Variants in ADCY1 observed in about 807,000 individuals in gnomAD.
The protein encoded by ADCY1 is adenylate cyclase type 1.
In ADCY1, 28 loss-of-function variants were observed where a neutral mutation model predicts 105.4. The observed-to-expected ratio is 0.27, with a 90% CI of 0.20 to 0.36. The LOEUF (loss-of-function observed/expected upper bound fraction) is 0.36. Among genes scored for constraint, ADCY1 ranks in the 10% least tolerant of loss-of-function variants. The probability of loss-of-function intolerance (pLI) is 1.00; values close to 1 mark genes in which losing one functional copy is unlikely to be tolerated. For missense variants in ADCY1, 977 were observed against 1,434.2 expected, an observed-to-expected ratio of 0.68 and a Z score of 5.15; for synonymous variants, 655 against 623.8, an observed-to-expected ratio of 1.05 and a Z score of -0.75.
chr7:45,674,831 C>A (rs1554328721), intron 8 of ADCY1, among the ~76,000 whole-genome samples: 1 of 152,168 alleles, frequency 6.6e-6, no homozygotes, highest in Non-Finnish European at 1.5e-5. Context: ...GCTCTGATAT[C>A]TACTTTTTCT....
At chr7:45,654,935 TTGCCC>T (rs903599822) in intron 5 of ADCY1, among the ~76,000 whole-genome samples, 4 of 151,950 alleles carry the variant, frequency 2.6e-5, no homozygotes, top group African/African-American at 9.7e-5. Context: ...CTGAAACCAT[TTGCCC>T]TGCCCTTCCC....
Position 45,664,372 on chromosome 7 carries a change from G to A in ADCY1, c.1605+2158G>A, listed in dbSNP as rs1042009. The A allele has an allele frequency of 0.65, 994,523 of 1,535,732 alleles. 332,157 individuals are homozygous for A. The highest frequency in any genetic ancestry group is 0.72 in the South Asian group (60,132 of 84,028). On this transcript the variant is annotated intron_variant, in intron 8 of 19. Coordinates refer to ENST00000297323, the MANE Select transcript of ADCY1 (RefSeq NM_021116.4). ...CCCTGCAACGGGGACGACTGTGCACGTAGCTTCAGGTCCTGCCCAACAGCC... is the reference window on the plus strand; with the variant it reads ...CCCTGCAACGGGGACGACTGTGCACATAGCTTCAGGTCCTGCCCAACAGCC...
At chr7:45,702,440 G>C (rs1785016095) in intron 14 of ADCY1, among the ~76,000 whole-genome samples, 1 of 152,238 alleles carries the variant, frequency 6.6e-6, no homozygotes, top group Non-Finnish European at 1.5e-5. Context: ...GCCAGGCCAT[G>C]GGCCGCTCCG....
At chr7:45,585,310 G>C (rs1792685331) in intron 1 of ADCY1, among the ~76,000 whole-genome samples, 1 of 152,150 alleles carries the variant, frequency 6.6e-6, no homozygotes, top group Non-Finnish European at 1.5e-5. Flanking sequence ...TAAAGATTTT[G>C]AAATATCTCT....
In ADCY1 at chr7:45,672,708, A is replaced by G. The variant is rs573869087; in HGVS notation, c.1606-5161A>G. Among the ~76,000 whole-genome samples the G allele has an allele frequency of 5.0e-4, 76 of 151,954 alleles. 1 individual carries two copies. The highest frequency in any genetic ancestry group is 1.8e-3 in the African/African-American group (75 of 41,358). On this transcript the variant is annotated intron_variant, in intron 8 of 19. Transcript: ENST00000297323. The stretch of plus-strand genomic sequence containing the variant: ...ATTTGTTCTAGGATTTTTTTAATAT[A>G]TATATATTCCTTGAGATTTTCCATG...
chr7:45,588,575 C>G (rs1381608437), intron 1 of ADCY1, among the ~76,000 whole-genome samples: 2 of 152,190 alleles, frequency 1.3e-5, no homozygotes, highest in Admixed American at 1.3e-4. Context: ...CAGAGTCTAA[C>G]CTGCCTCCCA....
intron 6 of ADCY1, 80 bp downstream of exon 6, chr7:45,657,965 C>T (rs1794987340): frequency 6.8e-7 from 1 of 1,466,088 alleles, no homozygotes; most frequent in Non-Finnish European, 9.2e-7. Flanking sequence ...GCTTCAGGTT[C>T]TGGGCTGTGC....
intron 3 of ADCY1, 97 bp from the exon 4 acceptor site, chr7:45,622,535 T>G: frequency 1.2e-6 from 1 of 860,348 alleles, no homozygotes; most frequent in Non-Finnish European, 1.9e-6. Context: ...GGTGATTGAT[T>G]CTACAGTGAT....
At position 45,575,947 on chromosome 7, in the gene ADCY1, C is replaced by T. The variant is rs1369337078; in HGVS notation, c.639+765C>T. Among the ~76,000 whole-genome samples, 2 of 152,222 alleles carry T rather than the reference C, an allele frequency of 1.3e-5. No homozygotes were observed. The highest frequency in any genetic ancestry group is 2.9e-5 in the Non-Finnish European group (2 of 68,028). The stretch of plus-strand genomic sequence containing the variant: ...TGGAGGAGCCTGCTCTTCCAACTGC[C>T]CGGAGGTGGACGTGGACCAGAGGTC... On this transcript the variant is annotated intron_variant, in intron 1 of 19. Coordinates refer to ENST00000297323, the MANE Select transcript of ADCY1 (RefSeq NM_021116.4). This position sits in a 1 kb window ranked among gnomAD's most constrained non-coding sequence, Gnocchi z 4.7.
chr7:45,584,294 C>T (rs969581456), intron 1 of ADCY1, among the ~76,000 whole-genome samples: 2 of 152,188 alleles, frequency 1.3e-5, no homozygotes, highest in Non-Finnish European at 2.9e-5. Context: ...CGTCCTGCTG[C>T]GTGTGGCACA....
At chr7:45,576,227 G>T (rs1452910766) in intron 1 of ADCY1, among the ~76,000 whole-genome samples, 1 of 152,194 alleles carries the variant, frequency 6.6e-6, no homozygotes, top group Non-Finnish European at 1.5e-5. Context: ...AATCCAGAGA[G>T]ATTAGGGAAG....
intron 11 of ADCY1, among the ~76,000 whole-genome samples, chr7:45,682,550 A>G (rs1584328762): frequency 6.6e-6 from 1 of 152,230 alleles, no homozygotes; most frequent in East Asian, 1.9e-4. Context: ...TGTGGGCACA[A>G]TGTGGTCCAC....
At chr7:45,601,443 A>T (rs1010947848) in intron 2 of ADCY1, among the ~76,000 whole-genome samples, 1 of 152,144 alleles carries the variant, frequency 6.6e-6, no homozygotes, top group African/African-American at 2.4e-5. Flanking sequence ...CTGCACCCTT[A>T]GCCTGCTCCT....
intron 14 of ADCY1, among the ~76,000 whole-genome samples, chr7:45,689,249 G>A (rs1389093889): frequency 6.6e-6 from 1 of 152,076 alleles, no homozygotes; most frequent in Non-Finnish European, 1.5e-5. Context: ...ATTCCTGCTG[G>A]GGAGTGGGAG....
At chr7:45,634,435 T>C (rs1264904515) in intron 4 of ADCY1, among the ~76,000 whole-genome samples, 1 of 151,982 alleles carries the variant, frequency 6.6e-6, no homozygotes, top group Non-Finnish European at 1.5e-5. Flanking sequence ...GTTTTTTTTT[T>C]TTTTTTGATT....
At chr7:45,704,463 A>G in intron 16 of ADCY1, 55 bp from the exon 17 acceptor site, 1 of 1,525,824 alleles carries the variant, frequency 6.6e-7, no homozygotes, top group Non-Finnish European at 9.1e-7. Flanking sequence ...TGACGGCTGC[A>G]GCGACTTTTC....
At chr7:45,713,404 A>C (rs765897935) in intron 19 of ADCY1, among the ~76,000 whole-genome samples, 1 of 151,942 alleles carries the variant, frequency 6.6e-6, no homozygotes, top group Non-Finnish European at 1.5e-5. Context: ...GCCTCCTCCT[A>C]TTGTCCAGGG....
intron 3 of ADCY1, among the ~76,000 whole-genome samples, chr7:45,610,979 G>GA (rs1793565295): frequency 2.0e-5 from 1 of 50,096 alleles, no homozygotes. Context: ...GGTGGAGGTG[G>GA]GGGGTGATAG....
At chr7:45,687,751 A>C (rs991847675) in intron 14 of ADCY1, among the ~76,000 whole-genome samples, 3 of 152,228 alleles carry the variant, frequency 2.0e-5, no homozygotes, top group Non-Finnish European at 2.9e-5. Context: ...CTAAAGTAAC[A>C]TGCCAGAGTC....
Sources: allele counts gnomAD v4.1 joint callset (sites outside exome capture counted in the v4.1 genomes callset), GRCh38; gene constraint gnomAD v4.1.1; non-coding constraint Gnocchi (gnomAD v3.1); transcripts MANE v1.5; gene names NCBI Gene and HGNC (gene_info 2026-07-23, HGNC 2026-07-21).